Variants in BTAF1 observed in about 807,000 individuals in gnomAD.
BTAF1 encodes the protein TATA-binding protein-associated factor 172.
BTAF1 carries 38 observed loss-of-function variants against 227.1 expected under a neutral mutation model. That is an observed-to-expected ratio of 0.17 (90% confidence interval 0.13 to 0.22). The LOEUF (loss-of-function observed/expected upper bound fraction) is 0.22. BTAF1 is among the 10% of genes least tolerant of loss of function. BTAF1 has a pLI of 1.00. For missense variants in BTAF1, 1,598 were observed against 2,204.0 expected (o/e 0.73, Z 5.51); for synonymous variants, 742 against 751.9 (o/e 0.99, Z 0.21).
chr10:91,954,534 C>T (rs1432047529), intron 6 of BTAF1, among the ~76,000 whole-genome samples: 2 of 150,698 alleles, frequency 1.3e-5, no homozygotes, highest in East Asian at 3.9e-4. Context: ...CTTCGAGGAC[C>T]TTGTAAAAAA....
At chr10:92,018,602 A>G (rs775102883) in intron 33 of BTAF1, among the ~76,000 whole-genome samples, 181 bp from the exon 34 acceptor site, 31 of 152,240 alleles carry the variant, frequency 2.0e-4, no homozygotes, top group Non-Finnish European at 4.3e-4. Context: ...TAGAAACTGC[A>G]CAAGAATCTC....
At chr10:91,951,331 A>G in intron 4 of BTAF1, 72 bp from the exon 5 acceptor site, 2 of 1,436,512 alleles carry the variant, frequency 1.4e-6, no homozygotes, top group Non-Finnish European at 1.9e-6. Context: ...TTATTTTGAT[A>G]GAGTTTGATG....
intron 21 of BTAF1, 69 bp downstream of exon 21, chr10:91,992,378 T>G: frequency 7.4e-7 from 1 of 1,355,182 alleles, no homozygotes; most frequent in Non-Finnish European, 9.9e-7. Flanking sequence ...AATTGAGAAC[T>G]AAGTTGTATT....
intron 34 of BTAF1, among the ~76,000 whole-genome samples, chr10:92,023,439 G>A (rs1360533638): frequency 1.3e-5 from 2 of 152,114 alleles, no homozygotes; most frequent in African/African-American, 4.8e-5. Context: ...TGTAATCCCA[G>A]CACTTTGGGA....
At chr10:92,024,488 C>G (rs1021495643) in intron 34 of BTAF1, among the ~76,000 whole-genome samples, 2 of 151,954 alleles carry the variant, frequency 1.3e-5, no homozygotes, top group Non-Finnish European at 2.9e-5. Flanking sequence ...AGTTCAAGAC[C>G]AGCCTGAGCA....
intron 3 of BTAF1, 104 bp downstream of exon 3, chr10:91,940,170 T>G: frequency 1.5e-6 from 1 of 673,340 alleles, no homozygotes; most frequent in Non-Finnish European, 2.4e-6. Context: ...AGTCTTAATT[T>G]CCATGCTTTT....
chr10:91,968,961 A>G (rs1312571169), intron 14 of BTAF1, among the ~76,000 whole-genome samples: 1 of 151,844 alleles, frequency 6.6e-6, no homozygotes, highest in Non-Finnish European at 1.5e-5. Context: ...CGTGGGCTCA[A>G]GTGATCTTCC....
At position 91,953,749 on chromosome 10, in the gene BTAF1, G is replaced by A. The variant is rs1845916728; in HGVS notation, c.577G>A (p.Ala193Thr). The stretch of plus-strand genomic sequence containing the variant: ...TTTATTCTTTTAGACTCTTCAGGCA[G>A]CTGAATTGATTGACTCAGAGTTTCG... ...FVNKQPTLQA[A>T]ELIDSEFRAG... Residue 193 changes from alanine (A) to threonine (T), a missense_variant, in exon 6 of 38, where the codon GCT (alanine) becomes ACT (threonine). Ala to Thr is a moderately conservative substitution (Grantham distance 58). This residue lies in a region of BTAF1 where 298 missense variants were observed against 395.2 expected (regional missense o/e 0.75). Coordinates refer to ENST00000265990, the MANE Select transcript of BTAF1 (RefSeq NM_003972.3). 1.2e-6 allele frequency: 2 copies of A among 1,613,826 alleles called. No homozygotes were observed. The highest frequency in any genetic ancestry group is 1.7e-6 in the Non-Finnish European group (2 of 1,179,890).
Position 91,959,057 on chromosome 10 carries a change from C to G in BTAF1, c.901-8C>G. The stretch of plus-strand genomic sequence containing the variant: ...AACATCTGACATTTGCTTCTTTGTT[C>G]TTTTCAGGTTCGACATGGTGCAGGC... On this transcript the variant is annotated splice_region_variant and splice_polypyrimidine_tract_variant and intron_variant, in intron 8 of 37. Coordinates refer to ENST00000265990, the MANE Select transcript of BTAF1 (RefSeq NM_003972.3). The G allele has an allele frequency of 1.2e-6, 2 of 1,611,798 alleles. No homozygotes were observed. Among genetic ancestry groups the G allele is most frequent in the South Asian group, 2.2e-5 (2 of 90,582 alleles).
chr10:92,007,682 T>C (rs1029467760), intron 25 of BTAF1, among the ~76,000 whole-genome samples: 8 of 152,248 alleles, frequency 5.3e-5, no homozygotes, highest in Non-Finnish European at 7.3e-5. Flanking sequence ...TACGCAGATA[T>C]CAACATGGTG....
chr10:91,956,155 A>T (rs998423872), intron 6 of BTAF1, among the ~76,000 whole-genome samples: 2 of 152,184 alleles, frequency 1.3e-5, no homozygotes, highest in African/African-American at 4.8e-5. Context: ...TTTCTCTAGT[A>T]TATAAAAGCC....
intron 4 of BTAF1, 30 bp downstream of exon 4, chr10:91,942,598 A>G: frequency 6.2e-7 from 1 of 1,610,036 alleles, no homozygotes; most frequent in Admixed American, 1.7e-5. Context: ...AGAAAGTCTA[A>G]AATTTGTTTT....
chr10:91,986,314 T>G (rs1025865094), intron 19 of BTAF1, among the ~76,000 whole-genome samples: 1 of 152,206 alleles, frequency 6.6e-6, no homozygotes, highest in African/African-American at 2.4e-5. Context: ...TTGTCTTTCC[T>G]TATGCCAGCA....
At chr10:91,925,077 A>G (rs1242060734) in intron 1 of BTAF1, among the ~76,000 whole-genome samples, 1 of 152,218 alleles carries the variant, frequency 6.6e-6, no homozygotes, top group Admixed American at 6.5e-5. Context: ...TTGCAAGGGA[A>G]AGGATAACCC....
intron 3 of BTAF1, 34 bp from the exon 4 acceptor site, chr10:91,942,388 T>TA: frequency 6.3e-7 from 1 of 1,595,656 alleles, no homozygotes; most frequent in Non-Finnish European, 8.6e-7. Context: ...ACTTTGGCTA[T>TA]ATGGTCAAAT....
intron 14 of BTAF1, among the ~76,000 whole-genome samples, chr10:91,971,211 C>T (rs1026960304): frequency 1.3e-5 from 2 of 152,098 alleles, no homozygotes; most frequent in Non-Finnish European, 2.9e-5. Flanking sequence ...TGAAATTTCA[C>T]TTGTGTTTAG....
Position 91,923,918 on chromosome 10 carries a change from G to C in BTAF1, c.-159G>C, listed in dbSNP as rs1843649271. 1.2e-6 allele frequency: 1 copy of C among 857,904 alleles called. No individual in the cohort carries two copies. The highest frequency in any genetic ancestry group is 1.6e-6 in the Non-Finnish European group (1 of 609,488). 53.1% of individuals were successfully genotyped at this position (857,904 alleles called of 1,614,324 possible). ...GGGGACGAGCTCGGGTAGGCGGCAG[G>C]GCAGATGCCCGAGGGCCTGCGCTGG... On this transcript the variant is annotated 5_prime_UTR_variant, in exon 1 of 38. Coordinates refer to ENST00000265990, the MANE Select transcript of BTAF1 (RefSeq NM_003972.3).
intron 1 of BTAF1, among the ~76,000 whole-genome samples, chr10:91,934,823 C>T (rs550716884): frequency 1.3e-5 from 2 of 152,246 alleles, no homozygotes; most frequent in Admixed American, 6.5e-5. Context: ...CTTTCCCTTT[C>T]ACCACCTAAT....
At chr10:92,025,529 G>A (rs1173748514) in intron 35 of BTAF1, among the ~76,000 whole-genome samples, 4 of 151,812 alleles carry the variant, frequency 2.6e-5, no homozygotes, top group Admixed American at 1.3e-4. Context: ...CATCCCAGCT[G>A]AGCGCGGTGA....
Sources: allele counts gnomAD v4.1 joint callset (sites outside exome capture counted in the v4.1 genomes callset), GRCh38; gene constraint gnomAD v4.1.1; regional missense constraint gnomAD v4.1.1; transcripts MANE v1.5; gene names NCBI Gene and HGNC (gene_info 2026-07-23, HGNC 2026-07-21).